Variants in CCDC146 observed in about 807,000 individuals in gnomAD.
CCDC146 encodes coiled-coil domain-containing protein 146.
A neutral mutation model predicts 119.3 loss-of-function variants in CCDC146; 92 were observed. That is an observed-to-expected ratio of 0.77 (90% CI 0.65 to 0.92). The LOEUF (loss-of-function observed/expected upper bound fraction) is 0.92, where lower values mean the gene tolerates loss of function less well. Among genes scored for constraint, CCDC146 ranks in the 40% least tolerant of loss-of-function variants. The pLI, the probability that CCDC146 is intolerant of heterozygous loss-of-function variation, is 0.00. For synonymous variants in CCDC146, 372 were observed against 371.8 expected, an observed-to-expected ratio of 1.00 and a Z score of -0.01; for missense variants, 1,000 against 1,103.0, an observed-to-expected ratio of 0.91 and a Z score of 1.32.
intron 11 of CCDC146, among the ~76,000 whole-genome samples, chr7:77,276,211 TA>T (rs55689348): frequency 9.8e-5 from 14 of 142,848 alleles, no homozygotes; most frequent in Non-Finnish European, 1.1e-4. Context: ...CTCTCAAAAA[TA>T]AAAAAAAAAA....
At chr7:77,202,270 T>TA (rs1272516666) in intron 2 of CCDC146, among the ~76,000 whole-genome samples, 1 of 152,262 alleles carries the variant, frequency 6.6e-6, no homozygotes, top group Admixed American at 6.5e-5. Flanking sequence ...AAAGGGGCAT[T>TA]AAAGACCTGG....
At position 77,278,972 on chromosome 7, in the gene CCDC146, G is replaced by A. The variant is rs1192974559; in HGVS notation, c.1565G>A (p.Arg522Gln). 1.5e-5 allele frequency: 24 copies of A among 1,611,010 alleles called. No individual in the cohort carries two copies. The highest frequency in any genetic ancestry group is 2.2e-5 in the East Asian group (1 of 44,796). Reference protein sequence around the residue: ...REFAKLYDTIRNERNKFVNLL... With the variant: ...REFAKLYDTIQNERNKFVNLL... ...TTTGCTAAACTGTATGACACCATTC[G>A]AAATGAAAGAAACAAATTTGTTAAC... Residue 522 changes from arginine to glutamine, a missense_variant, in exon 13 of 19, where the codon CGA becomes CAA. By Grantham distance (43) the Arg-to-Gln change is conservative. Transcript: ENST00000285871.
At chr7:77,197,950 G>A (rs1453249365) in intron 2 of CCDC146, among the ~76,000 whole-genome samples, 1 of 152,060 alleles carries the variant, frequency 6.6e-6, no homozygotes, top group Non-Finnish European at 1.5e-5. Flanking sequence ...TGACAAATAA[G>A]GTAAGTTTAA....
intron 15 of CCDC146, among the ~76,000 whole-genome samples, chr7:77,286,384 G>A (rs1793848153): frequency 6.6e-6 from 1 of 152,088 alleles, no homozygotes; most frequent in Non-Finnish European, 1.5e-5. Flanking sequence ...CTCTCACCCA[G>A]CCCCACCACC....
chr7:77,215,450 T>G (rs74902582), intron 2 of CCDC146, among the ~76,000 whole-genome samples: 1,613 of 152,172 alleles, frequency 0.011, 33 homozygotes, highest in African/African-American at 0.037. Context: ...CAAAGGAGCC[T>G]CCCCTTTTTC....
intron 2 of CCDC146, among the ~76,000 whole-genome samples, chr7:77,192,976 G>A (rs1228275613): frequency 1.3e-5 from 2 of 152,090 alleles, no homozygotes. Flanking sequence ...GTTGTTGAAA[G>A]TTTTTTAAGC....
chr7:77,161,966 C>A (rs1791269719), intron 1 of CCDC146, among the ~76,000 whole-genome samples: 1 of 152,080 alleles, frequency 6.6e-6, no homozygotes, highest in Non-Finnish European at 1.5e-5. Flanking sequence ...AATGTCTATT[C>A]AGCTCCATTA....
chr7:77,278,367 A>G (rs769531323), intron 11 of CCDC146, among the ~76,000 whole-genome samples: 15 of 152,044 alleles, frequency 9.9e-5, no homozygotes, highest in Non-Finnish European at 1.6e-4. Context: ...CAGTTCAGCT[A>G]GCCAGGGAAT....
At chr7:77,187,361 G>A (rs937930753) in intron 2 of CCDC146, among the ~76,000 whole-genome samples, 15 of 152,208 alleles carry the variant, frequency 9.9e-5, no homozygotes, top group African/African-American at 3.6e-4. Context: ...GTTTGATTAT[G>A]TCACATTTAG....
At chr7:77,151,575 T>G (rs531124462) in intron 1 of CCDC146, among the ~76,000 whole-genome samples, 1 of 152,310 alleles carries the variant, frequency 6.6e-6, no homozygotes, top group South Asian at 2.1e-4. Context: ...ATTGTACACT[T>G]AAACTTGTGA....
At chr7:77,268,872 A>G (rs555937208) in intron 9 of CCDC146, among the ~76,000 whole-genome samples, 1 of 152,318 alleles carries the variant, frequency 6.6e-6, no homozygotes, top group Admixed American at 6.5e-5. Context: ...CTAAATATTG[A>G]TCCTTTATTT....
At chr7:77,260,343 A>T in intron 8 of CCDC146, 107 bp downstream of exon 8, 3 of 745,688 alleles carry the variant, frequency 4.0e-6, no homozygotes, top group Non-Finnish European at 6.3e-6. Flanking sequence ...ATATTTAAAA[A>T]TAATTTTAAA....
chr7:77,187,634 C>T (rs977098416), intron 2 of CCDC146, among the ~76,000 whole-genome samples: 12 of 151,972 alleles, frequency 7.9e-5, no homozygotes, highest in East Asian at 1.9e-4. Context: ...TCATTCCAGT[C>T]GAAGAGAGAG....
At chr7:77,214,943 A>G (rs1277030130) in intron 2 of CCDC146, among the ~76,000 whole-genome samples, 1 of 152,126 alleles carries the variant, frequency 6.6e-6, no homozygotes, top group Non-Finnish European at 1.5e-5. Flanking sequence ...GTTACCTGCT[A>G]TTAATAATAC....
intron 1 of CCDC146, among the ~76,000 whole-genome samples, chr7:77,152,832 G>A (rs1286023483): frequency 2.0e-5 from 3 of 152,144 alleles, no homozygotes; most frequent in African/African-American, 7.2e-5. Context: ...GGTACATTAT[G>A]TATGAAATAA....
intron 2 of CCDC146, among the ~76,000 whole-genome samples, chr7:77,213,401 T>A (rs1236270729): frequency 1.2e-4 from 19 of 152,204 alleles, no homozygotes. Context: ...CCCATAGTGA[T>A]GTTTTGATAC....
chr7:77,254,592 A>G, intron 5 of CCDC146, 29 bp downstream of exon 5: 1 of 1,208,494 alleles, frequency 8.3e-7, no homozygotes, highest in Non-Finnish European at 1.2e-6. Context: ...AGAGTTTCTT[A>G]AATACAGCTG....
At position 77,287,554 on chromosome 7, in the gene CCDC146, G is replaced by A. The variant is rs540196587; in HGVS notation, c.2392G>A (p.Asp798Asn). 22 of 1,613,770 alleles carry A rather than the reference G, an allele frequency of 1.4e-5. No homozygotes were observed. The East Asian group carries it at 4.2e-4, about 31-fold the overall frequency. ...LCSKTQGCKQ[D>N]TLLLAKKMNG... is the part of the protein sequence containing the mutation. Reference sequence around the variant, plus strand: ...CAGCAAAACTCAGGGCTGCAAGCAGGACACACTGCTCTTAGCCAAGAAGGT... The same window carrying A: ...CAGCAAAACTCAGGGCTGCAAGCAGAACACACTGCTCTTAGCCAAGAAGGT... The change falls in exon 17 of 19, where the codon GAC (aspartate) becomes AAC (asparagine). Residue 798 changes from aspartate (D) to asparagine (N), a missense_variant. Coordinates refer to ENST00000285871, the MANE Select transcript of CCDC146 (RefSeq NM_020879.3).
intron 9 of CCDC146, among the ~76,000 whole-genome samples, chr7:77,265,392 A>G (rs1793381292): frequency 1.3e-5 from 2 of 152,266 alleles, no homozygotes; most frequent in African/African-American, 4.8e-5. Flanking sequence ...GGTAGTAAGT[A>G]AAGTTAATCC....
Sources: allele counts gnomAD v4.1 joint callset (sites outside exome capture counted in the v4.1 genomes callset), GRCh38; gene constraint gnomAD v4.1.1; transcripts MANE v1.5; gene names NCBI Gene and HGNC (gene_info 2026-07-23, HGNC 2026-07-21).